LIN9: variants seen among roughly 807,000 people sequenced by gnomAD.
LIN9 encodes protein lin-9 homolog.
A neutral mutation model predicts 78.0 loss-of-function variants in LIN9; 18 were observed. That is an observed-to-expected ratio of 0.23 (90% CI 0.16 to 0.34). The LOEUF is 0.34. LIN9 is among the 10% of genes least tolerant of loss of function. The pLI is 1.00. For synonymous variants in LIN9, 192 were observed against 215.2 expected (o/e 0.89, Z 0.94); for missense variants, 451 against 644.1 (o/e 0.70, Z 3.25).
intron 11 of LIN9, among the ~76,000 whole-genome samples, chr1:226,245,883 A>T (rs902204486): frequency 1.3e-5 from 2 of 152,172 alleles, no homozygotes; most frequent in Admixed American, 1.3e-4. Context: ...AAACATTTTT[A>T]TTGTTCCATT....
chr1:226,257,995 G>GC (rs1171515455), intron 10 of LIN9, among the ~76,000 whole-genome samples: 1 of 151,908 alleles, frequency 6.6e-6, no homozygotes, highest in African/African-American at 2.4e-5. Flanking sequence ...GACCAGCCTG[G>GC]GGTACACTGA....
At chr1:226,250,188 C>T (rs912927188) in intron 11 of LIN9, among the ~76,000 whole-genome samples, 1 of 150,694 alleles carries the variant, frequency 6.6e-6, no homozygotes, top group Non-Finnish European at 1.5e-5. Flanking sequence ...AAAAAAAAGA[C>T]TTCTGGTAAT....
chr1:226,261,368 T>C (rs1010207111), intron 10 of LIN9, among the ~76,000 whole-genome samples: 3 of 151,838 alleles, frequency 2.0e-5, no homozygotes, highest in African/African-American at 7.3e-5. Flanking sequence ...GTGACATGAC[T>C]GTCTACGTAG....
At chr1:226,254,090 C>T (rs569733256) in intron 10 of LIN9, among the ~76,000 whole-genome samples, 1 of 152,100 alleles carries the variant, frequency 6.6e-6, no homozygotes, top group African/African-American at 2.4e-5. Context: ...TATCACCACA[C>T]CTGGCTAATT....
Position 226,297,734 on chromosome 1 carries a change from G to C in LIN9, c.144C>G (p.Ser48Arg), listed in dbSNP as rs1163790233. 5 of 1,581,892 alleles carry C rather than the reference G, an allele frequency of 3.2e-6. No homozygotes were observed. The East Asian group carries it at 9.1e-5, about 29-fold the overall frequency. ...CACTCCTTACCATTTCCACAGCAGA[G>C]CTTGTATTCCTGCCTTTCCAAACAG... Reference protein sequence around the residue: ...KTPVWKGRNTSSAVEMPFRNS... With the variant: ...KTPVWKGRNTRSAVEMPFRNS... The change falls in exon 3 of 15, where the codon AGC becomes AGG. Residue 48 changes from serine to arginine, a missense_variant. Ser to Arg is a moderately radical substitution (Grantham distance 110). Transcript: ENST00000681046.
chr1:226,301,963 G>C (rs1411792538), intron 1 of LIN9, among the ~76,000 whole-genome samples: 1 of 152,206 alleles, frequency 6.6e-6, no homozygotes, highest in African/African-American at 2.4e-5. Flanking sequence ...CAGCTACTCA[G>C]GGGGCTGATG....
chr1:226,285,321 CAT>C (rs1491255969), intron 6 of LIN9, among the ~76,000 whole-genome samples: 4 of 152,008 alleles, frequency 2.6e-5, no homozygotes, highest in African/African-American at 7.3e-5. Context: ...CACTAAATAA[CAT>C]ATCAAATTTT....
chr1:226,290,084 ACAAAT>A (rs1020547084), intron 4 of LIN9, among the ~76,000 whole-genome samples: 1 of 152,162 alleles, frequency 6.6e-6, no homozygotes, highest in African/African-American at 2.4e-5. Flanking sequence ...AAATACAGAA[ACAAAT>A]CAAAAGACAA....
intron 7 of LIN9, among the ~76,000 whole-genome samples, chr1:226,275,321 G>A (rs1660574868): frequency 6.6e-6 from 1 of 152,148 alleles, no homozygotes; most frequent in African/African-American, 2.4e-5. Flanking sequence ...ATAGGTGGCA[G>A]CCTAGATTTG....
chr1:226,287,331 A>T (rs1410001383), intron 5 of LIN9, among the ~76,000 whole-genome samples: 1 of 152,226 alleles, frequency 6.6e-6, no homozygotes, highest in African/African-American at 2.4e-5. Context: ...TGATTATACC[A>T]GCACTTAACA....
chr1:226,239,824 C>G (rs1657987111), intron 11 of LIN9, among the ~76,000 whole-genome samples: 1 of 152,192 alleles, frequency 6.6e-6, no homozygotes, highest in South Asian at 2.1e-4. Context: ...TCCCTCTCTT[C>G]ACAATACTTC....
At chr1:226,275,159 A>G (rs1336209508) in intron 7 of LIN9, among the ~76,000 whole-genome samples, 1 of 152,184 alleles carries the variant, frequency 6.6e-6, no homozygotes, top group Admixed American at 6.5e-5. Flanking sequence ...GGTCTGTTTC[A>G]GTTATGAACT....
chr1:226,262,175 AG>A (rs563426398), intron 10 of LIN9, among the ~76,000 whole-genome samples: 16 of 152,254 alleles, frequency 1.1e-4, no homozygotes, highest in Middle Eastern at 3.2e-3. Flanking sequence ...TAAAACTCCT[AG>A]AAAGTAACAC....
Position 226,233,108 on chromosome 1 carries a change from G to A in LIN9, c.1511C>T (p.Ala504Val), listed in dbSNP as rs1558148593. The A allele has an allele frequency of 7.6e-6, 12 of 1,574,534 alleles. No homozygotes were observed. The highest frequency in any genetic ancestry group is 1.0e-5 in the Non-Finnish European group (12 of 1,158,256). Residue 504 changes from alanine to valine, a missense_variant, in exon 14 of 15, where the codon GCT becomes GTT. Coordinates refer to ENST00000681046, the MANE Select transcript of LIN9 (RefSeq NM_001366245.2). Reference sequence around the variant, plus strand: ...CCTAACGAATTACCTGATATTAGAAGCGTCTATTGTACTCTTGATATCATT... The same window carrying A: ...CCTAACGAATTACCTGATATTAGAAACGTCTATTGTACTCTTGATATCATT... ...SLNDIKSTID[A>V]SNISCFQNNV...
intron 6 of LIN9, among the ~76,000 whole-genome samples, chr1:226,283,493 T>C (rs1228139228): frequency 1.3e-5 from 2 of 152,010 alleles, no homozygotes; most frequent in Non-Finnish European, 2.9e-5. Context: ...AGGAGTTCTT[T>C]ATATAGTAGG....
At chr1:226,246,411 G>T (rs1658479405) in intron 11 of LIN9, among the ~76,000 whole-genome samples, 1 of 152,022 alleles carries the variant, frequency 6.6e-6, no homozygotes, top group Non-Finnish European at 1.5e-5. Flanking sequence ...TTGCTCGTTT[G>T]TACATACTCC....
At chr1:226,237,407 C>T (rs965773276) in intron 12 of LIN9, among the ~76,000 whole-genome samples, 8 of 151,658 alleles carry the variant, frequency 5.3e-5, no homozygotes, top group South Asian at 4.2e-4. Context: ...CTGAGGCAGG[C>T]GGATCACCTG....
Position 226,286,295 on chromosome 1 carries a change from G to C in LIN9, c.524+38C>G, listed in dbSNP as rs199761346. ...TAAGTACATGCACTGCTACTGGCTT[G>C]ATTTTATTTTAAACAAAAACAAAAA... On this transcript the variant is annotated intron_variant, in intron 6 of 14. Coordinates refer to ENST00000681046, the MANE Select transcript of LIN9 (RefSeq NM_001366245.2). 2.5e-6 allele frequency: 4 copies of C among 1,590,572 alleles called. No homozygotes were observed. In the East Asian group the frequency reaches 6.7e-5, roughly 27 times the overall value.
chr1:226,243,981 T>C (rs1186411051), intron 11 of LIN9, among the ~76,000 whole-genome samples: 1 of 151,166 alleles, frequency 6.6e-6, no homozygotes, highest in Non-Finnish European at 1.5e-5. Flanking sequence ...TTCAAGTGAT[T>C]CTCCTGCCTC....
Sources: gnomAD v4.1 joint callset for allele counts (sites outside exome capture counted in the v4.1 genomes callset) on GRCh38, gnomAD v4.1.1 for gene constraint, MANE v1.5 for transcripts, NCBI Gene and HGNC (gene_info 2026-07-23, HGNC 2026-07-21) for gene names.